The following TMEM131 variants were observed in gnomAD, a reference collection of about 807,000 sequenced individuals.
TMEM131 encodes the protein transmembrane protein 131.
A neutral mutation model predicts 211.6 loss-of-function variants in TMEM131; 66 were observed. The ratio of observed to expected loss-of-function variants is 0.31; its 90% CI spans 0.26 to 0.38. The LOEUF (loss-of-function observed/expected upper bound fraction) is 0.38. Among genes scored for constraint, TMEM131 ranks in the 10% least tolerant of loss-of-function variants. TMEM131 has a pLI of 1.00. For synonymous variants in TMEM131, 844 were observed against 841.3 expected (o/e 1.00, Z -0.06); for missense variants, 2,036 against 2,299.3 (o/e 0.89, Z 2.34).
chr2:97,815,507 A>C (rs1414382977), intron 12 of TMEM131, among the ~76,000 whole-genome samples, 200 bp from the exon 13 acceptor site: 1 of 152,200 alleles, frequency 6.6e-6, no homozygotes, highest in African/African-American at 2.4e-5. Flanking sequence ...TTCCTGTAAT[A>C]AGATAAGCAG....
Position 97,760,679 on chromosome 2 carries a change from G to A in TMEM131, c.5022C>T (p.Gly1674=), listed in dbSNP as rs1252724494. The A allele has an allele frequency of 6.2e-7, 1 of 1,613,958 alleles. No individual in the cohort carries two copies. The highest frequency in any genetic ancestry group is 2.2e-5 in the East Asian group (1 of 44,876). Reference sequence around the variant, plus strand: ...TTTTGTTTGAAGAAACTTTAGCAAAGCCATTCCCACCTGTAACAATGGACG... The same window carrying A: ...TTTTGTTTGAAGAAACTTTAGCAAAACCATTCCCACCTGTAACAATGGACG... ...AGYDKSPGGN[G]FAKVSSNKTG... The change falls in exon 38 of 41, where the codon GGC becomes GGT. Residue 1674 remains glycine (G), a synonymous_variant. Transcript: ENST00000186436.
chr2:97,760,470 C>T (rs1349573147), intron 38 of TMEM131, 123 bp downstream of exon 38: 1 of 956,172 alleles, frequency 1.0e-6, no homozygotes, highest in African/African-American at 1.6e-5. Context: ...TTGACCACTT[C>T]TGACAAATGC....
In TMEM131 at chr2:97,948,426, C is replaced by T. The variant is rs77267602; in HGVS notation, c.188-20939G>A. Among the ~76,000 whole-genome samples the T allele has an allele frequency of 3.2e-3, 492 of 152,072 alleles. 7 individuals carry two copies. In the East Asian group the frequency reaches 0.041, roughly 13 times the overall value. Reference sequence around the variant, plus strand: ...ATTTAAGCAAAGACAACATGAATAGCACATGAAATAAGAGGGCACATGAAA... The same window carrying T: ...ATTTAAGCAAAGACAACATGAATAGTACATGAAATAAGAGGGCACATGAAA... On this transcript the variant is annotated intron_variant, in intron 1 of 40. Transcript: ENST00000186436.
chr2:97,970,011 G>C (rs763196748), intron 1 of TMEM131, among the ~76,000 whole-genome samples: 1 of 152,134 alleles, frequency 6.6e-6, no homozygotes, highest in Admixed American at 6.5e-5. Flanking sequence ...TCTCCTTGTT[G>C]ATGAAGAATG....
intron 1 of TMEM131, among the ~76,000 whole-genome samples, chr2:97,974,512 T>G (rs890637866): frequency 2.0e-5 from 3 of 151,088 alleles, no homozygotes; most frequent in African/African-American, 7.3e-5. Context: ...CAACAAACCC[T>G]GAGCTCAACA....
At position 97,927,435 on chromosome 2, in the gene TMEM131, C is replaced by T; in HGVS notation, c.240G>A (p.Gly80=). The T allele has an allele frequency of 6.3e-7, 1 of 1,588,400 alleles. No individual in the cohort carries two copies. Among genetic ancestry groups the T allele is most frequent in the Non-Finnish European group, 8.6e-7 (1 of 1,167,990 alleles). The change falls in exon 2 of 41, where the codon GGG becomes GGA. Residue 80 remains glycine (G), a synonymous_variant. Transcript: ENST00000186436. ...CTTAAAAAAAAATTACCTGTAGTAG[C>T]CCTCCATCATCAAAACGCAGTACTT... ...IIEVLRFDDG[G]LLQTETTLGL...
At chr2:97,880,221 T>C (rs1460672776) in intron 4 of TMEM131, among the ~76,000 whole-genome samples, 1 of 152,126 alleles carries the variant, frequency 6.6e-6, no homozygotes, top group South Asian at 2.1e-4. Flanking sequence ...GGAAATGACA[T>C]GTAGTTCTCC....
intron 15 of TMEM131, among the ~76,000 whole-genome samples, 154 bp downstream of exon 15, chr2:97,813,817 G>C (rs1681683428): frequency 6.6e-6 from 1 of 152,180 alleles, no homozygotes; most frequent in Non-Finnish European, 1.5e-5. Flanking sequence ...GTAAAAACTA[G>C]TTACCTGGAA....
intron 1 of TMEM131, among the ~76,000 whole-genome samples, chr2:97,961,415 TAAA>T (rs775865888): frequency 8.1e-4 from 124 of 152,200 alleles, no homozygotes; most frequent in Non-Finnish European, 1.3e-3. Context: ...TTAAAGAAAT[TAAA>T]AAAGATCTAA....
rs1168761734 is a variant in TMEM131 at position 97,834,854 on chromosome 2, T to G, written c.876A>C (p.Thr292=). Reference sequence around the variant, plus strand: ...CATTAGTCTTTATTCTTATGAAGGCTGTGTGATTATCTGCTTCTCTAGATG... The same window carrying G: ...CATTAGTCTTTATTCTTATGAAGGCGGTGTGATTATCTGCTTCTCTAGATG... ...SFSSREADNH[T]AFIRIKTNAS... is the part of the protein sequence containing the mutation. Residue 292 remains threonine (T), a synonymous_variant, in exon 9 of 41, where the codon ACA becomes ACC. Transcript: ENST00000186436. 4 of 1,613,878 alleles carry G rather than the reference T, an allele frequency of 2.5e-6. No homozygotes were observed. The South Asian group carries it at 4.4e-5, about 18-fold the overall frequency.
At chr2:97,851,228 T>A (rs182601469) in intron 5 of TMEM131, among the ~76,000 whole-genome samples, 36 of 152,196 alleles carry the variant, frequency 2.4e-4, no homozygotes, top group Admixed American at 1.0e-3. Context: ...TCTGCCTATT[T>A]GCCACCTCCT....
intron 5 of TMEM131, among the ~76,000 whole-genome samples, chr2:97,854,863 T>C (rs573653821): frequency 7.1e-4 from 108 of 152,300 alleles, no homozygotes; most frequent in African/African-American, 2.4e-3. Flanking sequence ...GAGTCTTTGT[T>C]CAAATGTCAC....
intron 2 of TMEM131, among the ~76,000 whole-genome samples, chr2:97,925,700 C>T (rs1676954666): frequency 6.6e-6 from 1 of 152,150 alleles, no homozygotes; most frequent in Admixed American, 6.5e-5. Context: ...ATTTAACTTC[C>T]ATAAACCTAA....
chr2:97,846,930 C>T (rs183496553), intron 5 of TMEM131, among the ~76,000 whole-genome samples: 81 of 152,212 alleles, frequency 5.3e-4, no homozygotes, highest in African/African-American at 1.9e-3. Flanking sequence ...CCTGTAATCC[C>T]AGCAATTTGG....
In TMEM131 at chr2:97,995,549, C is replaced by T; in HGVS notation, c.114G>A (p.Ala38=). The T allele has an allele frequency of 2.3e-6, 3 of 1,333,218 alleles. No individual in the cohort carries two copies. Among genetic ancestry groups the T allele is most frequent in the Non-Finnish European group, 2.9e-6 (3 of 1,038,254 alleles). 82.6% of individuals were successfully genotyped at this position (1,333,218 alleles called of 1,614,324 possible). The change falls in exon 1 of 41, where the codon GCG becomes GCA. Residue 38 remains alanine, a synonymous_variant. Coordinates refer to ENST00000186436, the MANE Select transcript of TMEM131 (RefSeq NM_015348.2). ...AAARSGGPRS[A]AAGLLGALHL... ...GCAGCGCGCCTAGGAGGCCGGCGGC[C>T]GCGCTCCGCGGGCCCCCGCTACGGG...
chr2:97,925,043 C>A (rs1359268075), intron 2 of TMEM131, among the ~76,000 whole-genome samples: 1 of 151,978 alleles, frequency 6.6e-6, no homozygotes, highest in Non-Finnish European at 1.5e-5. Context: ...ACACACCTGG[C>A]TAATTTTTTG....
Position 97,797,415 on chromosome 2 carries a change from T to A in TMEM131, c.2820A>T (p.Val940=). The change falls in exon 26 of 41, where the codon GTA becomes GTT. Residue 940 remains valine (V), a synonymous_variant. Coordinates refer to ENST00000186436, the MANE Select transcript of TMEM131 (RefSeq NM_015348.2). ...LKPGEKKSVK[V]KFTPVHNRTV... ...TTCTGTTGTGAACTGGAGTAAACTT[T>A]ACTTTGACAGATTTCTTTTCTCCAG... 6.2e-7 allele frequency: 1 copy of A among 1,612,742 alleles called. No homozygotes were observed. Among genetic ancestry groups the A allele is most frequent in the Non-Finnish European group, 8.5e-7 (1 of 1,179,708 alleles).
intron 22 of TMEM131, among the ~76,000 whole-genome samples, chr2:97,803,681 G>A (rs1263479897): frequency 6.6e-6 from 1 of 152,196 alleles, no homozygotes; most frequent in Non-Finnish European, 1.5e-5. Context: ...GGATCAGGGA[G>A]AATATCACAT....
intron 1 of TMEM131, among the ~76,000 whole-genome samples, chr2:97,943,100 A>AGAAAGAAAGAGC (rs1491111163): frequency 1.7e-4 from 26 of 149,662 alleles, no homozygotes; most frequent in African/African-American, 6.0e-4. Context: ...AAAGAAAGAA[A>AGAAAGAAAGAGC]GAGCTGGGTG....
Sources: gnomAD v4.1 joint callset for allele counts (sites outside exome capture counted in the v4.1 genomes callset) on GRCh38, gnomAD v4.1.1 for gene constraint, MANE v1.5 for transcripts, NCBI Gene and HGNC (gene_info 2026-07-23, HGNC 2026-07-21) for gene names.